The following FSTL4 variants were observed in gnomAD, a reference collection of about 807,000 sequenced individuals.
The protein encoded by FSTL4 is follistatin-related protein 4.
In FSTL4, 28 loss-of-function variants were observed where a neutral mutation model predicts 78.2. The ratio of observed to expected loss-of-function variants is 0.36; its 90% CI spans 0.27 to 0.49. The LOEUF (loss-of-function observed/expected upper bound fraction) is 0.49. Among genes scored for constraint, FSTL4 ranks in the 20% least tolerant of loss-of-function variants. The probability of loss-of-function intolerance (pLI) is 0.98; values close to 1 mark genes in which losing one functional copy is unlikely to be tolerated. For missense variants in FSTL4, 922 were observed against 1,084.9 expected, an observed-to-expected ratio of 0.85 and a Z score of 2.11; for synonymous variants, 422 against 440.5, an observed-to-expected ratio of 0.96 and a Z score of 0.53.
chr5:133,714,155 A>G, the FSTL4 span, among the ~76,000 whole-genome samples: 34 of 152,254 alleles, frequency 2.2e-4, no homozygotes, highest in African/African-American at 6.3e-4. Flanking sequence ...CTGCTCCACA[A>G]AGACATGCCT....
intron 8 of FSTL4, 132 bp downstream of exon 8, chr5:133,233,285 A>T: frequency 9.8e-7 from 1 of 1,024,562 alleles, no homozygotes; most frequent in Non-Finnish European, 1.4e-6. Context: ...CCCTTTACTT[A>T]TAAGAGAGAT....
At chr5:133,208,873 G>T (rs1335345063) in intron 14 of FSTL4, among the ~76,000 whole-genome samples, 2 of 152,136 alleles carry the variant, frequency 1.3e-5, no homozygotes, top group African/African-American at 4.8e-5. Flanking sequence ...GTTTCACTAT[G>T]TTGGCCAGGC....
the FSTL4 span, among the ~76,000 whole-genome samples, chr5:133,640,331 C>G: frequency 5.9e-5 from 9 of 152,230 alleles, no homozygotes; most frequent in Non-Finnish European, 1.3e-4. Flanking sequence ...TTGTCATTCA[C>G]AGCCACATAA....
chr5:133,519,570 C>A (rs575390486), intron 3 of FSTL4, among the ~76,000 whole-genome samples: 1 of 152,328 alleles, frequency 6.6e-6, no homozygotes, highest in African/African-American at 2.4e-5. Flanking sequence ...GATTTCAACA[C>A]GTCAGCCTTT....
chr5:133,820,321 T>A, the FSTL4 span, among the ~76,000 whole-genome samples: 1 of 152,228 alleles, frequency 6.6e-6, no homozygotes, highest in Non-Finnish European at 1.5e-5. Context: ...CAGAAGGAAC[T>A]TCAAGGCAAA....
At chr5:133,285,758 T>A (rs1753113111) in intron 6 of FSTL4, among the ~76,000 whole-genome samples, 1 of 152,202 alleles carries the variant, frequency 6.6e-6, no homozygotes, top group Admixed American at 6.5e-5. Context: ...AATGGCTCCT[T>A]CGCTGCCCCA....
chr5:133,507,373 C>T (rs1398259013), intron 3 of FSTL4, among the ~76,000 whole-genome samples: 4 of 152,074 alleles, frequency 2.6e-5, no homozygotes, highest in Admixed American at 1.3e-4. Flanking sequence ...TTTCTGCAGA[C>T]GGATCAGAAA....
At chr5:133,712,294 C>G in the FSTL4 span, among the ~76,000 whole-genome samples, 1 of 152,160 alleles carries the variant, frequency 6.6e-6, no homozygotes, top group Non-Finnish European at 1.5e-5. Flanking sequence ...TCGTCCAGGA[C>G]TGATATGGCA....
At chr5:133,521,796 C>T (rs1481915830) in intron 3 of FSTL4, among the ~76,000 whole-genome samples, 1 of 152,136 alleles carries the variant, frequency 6.6e-6, no homozygotes, top group Middle Eastern at 3.2e-3. Flanking sequence ...AGTGAGCAGC[C>T]ATGACACTGC....
chr5:133,743,495 T>C, the FSTL4 span, among the ~76,000 whole-genome samples: 1 of 152,196 alleles, frequency 6.6e-6, no homozygotes, highest in Non-Finnish European at 1.5e-5. Context: ...TTCACTTCTC[T>C]GTACCTTGGT....
At chr5:133,718,076 G>C in the FSTL4 span, among the ~76,000 whole-genome samples, 1 of 151,318 alleles carries the variant, frequency 6.6e-6, no homozygotes, top group Non-Finnish European at 1.5e-5. Context: ...TAGTTTGTTT[G>C]TTTGTTTGTT....
intron 3 of FSTL4, among the ~76,000 whole-genome samples, chr5:133,535,756 C>T (rs759209827): frequency 3.8e-4 from 58 of 152,078 alleles, no homozygotes; most frequent in African/African-American, 1.4e-3. Context: ...GCTTAAGCCA[C>T]CCAGTCTATG....
intron 6 of FSTL4, among the ~76,000 whole-genome samples, chr5:133,257,315 G>A (rs1752404386): frequency 6.6e-6 from 1 of 152,190 alleles, no homozygotes. Context: ...CGTGACTCCT[G>A]TAAAGCCTGG....
the FSTL4 span, among the ~76,000 whole-genome samples, chr5:133,627,814 C>T: frequency 6.6e-6 from 1 of 151,284 alleles, no homozygotes; most frequent in African/African-American, 2.4e-5. Flanking sequence ...TTTTCTTTTT[C>T]CTGCCTTCTT....
chr5:133,751,214 G>A, the FSTL4 span, among the ~76,000 whole-genome samples: 11 of 152,178 alleles, frequency 7.2e-5, no homozygotes, highest in African/African-American at 1.2e-4. Flanking sequence ...ATGCTTCTTC[G>A]ACTCCAAGAA....
At chr5:133,346,303 A>G (rs1262690690) in intron 4 of FSTL4, among the ~76,000 whole-genome samples, 1 of 152,184 alleles carries the variant, frequency 6.6e-6, no homozygotes, top group Non-Finnish European at 1.5e-5. Flanking sequence ...GCCGGGCTTA[A>G]AACCTAGATG....
intron 6 of FSTL4, among the ~76,000 whole-genome samples, chr5:133,286,717 C>T (rs1753138074): frequency 6.6e-6 from 1 of 152,168 alleles, no homozygotes; most frequent in Non-Finnish European, 1.5e-5. Context: ...GGCATCTGAG[C>T]TGGCCCACAG....
chr5:133,264,237 C>G lies in FSTL4; in HGVS notation c.728-14661G>C, dbSNP rs571417066. Among the ~76,000 whole-genome samples, 293 of 152,300 alleles carry G rather than the reference C, an allele frequency of 1.9e-3. 1 individual carries two copies. The highest frequency in any genetic ancestry group is 6.8e-3 in the African/African-American group (284 of 41,564). ...GAGAACTGTGCTATATATTAATAAC[C>G]ACAATGCTAGCAATAAAAATGTGAC... On this transcript the variant is annotated intron_variant, in intron 6 of 15. Transcript: ENST00000265342.
intron 6 of FSTL4, chr5:133,252,314 C>G (rs1188516467): frequency 6.6e-6 from 1 of 152,192 alleles, no homozygotes; most frequent in Non-Finnish European, 1.5e-5. Flanking sequence ...GGGAGGGGCT[C>G]TTGGAGGCAG....
Sources: allele counts gnomAD v4.1 joint callset (sites outside exome capture counted in the v4.1 genomes callset), GRCh38; gene constraint gnomAD v4.1.1; transcripts MANE v1.5; gene names NCBI Gene and HGNC (gene_info 2026-07-23, HGNC 2026-07-21).